The following ZCCHC24 variants were observed in gnomAD, a reference collection of about 807,000 sequenced individuals.
The protein encoded by ZCCHC24 is zinc finger CCHC domain-containing protein 24.
In ZCCHC24, 10 loss-of-function variants were observed where a neutral mutation model predicts 26.2. That is an observed-to-expected ratio of 0.38 (90% confidence interval 0.24 to 0.65). The LOEUF (loss-of-function observed/expected upper bound fraction) is 0.65, where lower values mean the gene tolerates loss of function less well. Ranked by LOEUF, ZCCHC24 falls within the 30% of genes least tolerant of loss-of-function variation. The probability of loss-of-function intolerance (pLI) is 0.54; values close to 1 mark genes in which losing one functional copy is unlikely to be tolerated. For missense variants in ZCCHC24, 243 were observed against 329.1 expected, an observed-to-expected ratio of 0.74 and a Z score of 2.03; for synonymous variants, 144 against 147.1, an observed-to-expected ratio of 0.98 and a Z score of 0.15.
At position 79,428,152 on chromosome 10, in the gene ZCCHC24, T is replaced by C. The variant is rs754592100; in HGVS notation, c.447+4406A>G. Among the ~76,000 whole-genome samples, 31 of 152,196 alleles carry C rather than the reference T, an allele frequency of 2.0e-4. 1 individual carries two copies. The highest frequency in any genetic ancestry group is 1.8e-4 in the Non-Finnish European group (12 of 68,044). ...ATTGATGGGTGAACTGATTTAAAAA[T>C]GTGGTATATACATACAATGGAATAT... is the stretch of plus-strand genomic sequence containing the variant. On this transcript the variant is annotated intron_variant, in intron 2 of 3. Transcript: ENST00000372336.
chr10:79,388,734 T>C (rs992166942), intron 3 of ZCCHC24, among the ~76,000 whole-genome samples: 1 of 152,186 alleles, frequency 6.6e-6, no homozygotes, highest in Non-Finnish European at 1.5e-5. Flanking sequence ...TTACACATTA[T>C]GTGGCAAAGT....
Position 79,424,818 on chromosome 10 carries a change from G to A in ZCCHC24, c.447+7740C>T, listed in dbSNP as rs73301237. Among the ~76,000 whole-genome samples, 1,415 of 152,262 alleles carry A rather than the reference G, an allele frequency of 9.3e-3. 26 individuals are homozygous for A. Among genetic ancestry groups the A allele is most frequent in the African/African-American group, 0.033 (1,356 of 41,528 alleles). On this transcript the variant is annotated intron_variant, in intron 2 of 3. Coordinates refer to ENST00000372336, the MANE Select transcript of ZCCHC24 (RefSeq NM_153367.4). ...CACAGTGCCCGGAAAGCATATTCCTGTTATTTACACGCTTGCTTGGAAGCC... is the reference window on the plus strand; with the variant it reads ...CACAGTGCCCGGAAAGCATATTCCTATTATTTACACGCTTGCTTGGAAGCC...
intron 2 of ZCCHC24, among the ~76,000 whole-genome samples, chr10:79,413,077 C>T (rs1262867067): frequency 1.3e-5 from 2 of 152,230 alleles, no homozygotes; most frequent in African/African-American, 2.4e-5. Context: ...TGGAAGTCTA[C>T]CCAGACACCT....
chr10:79,431,732 T>C (rs1885433), intron 2 of ZCCHC24, among the ~76,000 whole-genome samples: 23,913 of 152,136 alleles, frequency 0.16, 1,972 homozygotes, highest in Middle Eastern at 0.19. Flanking sequence ...GTTTCCAGGA[T>C]TCCATTTCCA....
At chr10:79,427,768 C>T (rs1042447468) in intron 2 of ZCCHC24, among the ~76,000 whole-genome samples, 16 of 152,098 alleles carry the variant, frequency 1.1e-4, no homozygotes, top group African/African-American at 3.9e-4. Context: ...AATCCCAGCA[C>T]TTTTGGAGGC....
intron 2 of ZCCHC24, among the ~76,000 whole-genome samples, chr10:79,430,682 CACACCA>C (rs1161959410): frequency 4.9e-5 from 5 of 102,586 alleles, no homozygotes; most frequent in Non-Finnish European, 7.7e-5. Flanking sequence ...CTCACACACA[CACACCA>C]CACACACACA....
chr10:79,444,366 A>G, intron 1 of ZCCHC24: 1 of 1,142,796 alleles, frequency 8.8e-7, no homozygotes. Context: ...TTGCTGGCAA[A>G]GAGGCGCTGC....
chr10:79,406,579 A>G (rs1856717141), intron 2 of ZCCHC24, among the ~76,000 whole-genome samples: 2 of 152,138 alleles, frequency 1.3e-5, no homozygotes, highest in Non-Finnish European at 2.9e-5. Context: ...CCAAATGGTC[A>G]CTTCCCCTGC....
At chr10:79,430,686 CCACACACACA>C (rs71030975) in intron 2 of ZCCHC24, among the ~76,000 whole-genome samples, 2 of 140,620 alleles carry the variant, frequency 1.4e-5, no homozygotes, top group East Asian at 2.1e-4. Flanking sequence ...CACACACACA[CCACACACACA>C]CACACACACA....
chr10:79,402,583 G>C (rs1034700021), intron 2 of ZCCHC24, among the ~76,000 whole-genome samples: 1 of 152,206 alleles, frequency 6.6e-6, no homozygotes, highest in Non-Finnish European at 1.5e-5. Flanking sequence ...CCAGAGCCTT[G>C]GTTTTTCTAT....
intron 2 of ZCCHC24, among the ~76,000 whole-genome samples, chr10:79,405,822 A>C (rs1423570346): frequency 5.3e-5 from 8 of 152,240 alleles, no homozygotes; most frequent in Non-Finnish European, 1.0e-4. Context: ...CAGAAAAGAA[A>C]TCTGATCTGC....
intron 2 of ZCCHC24, among the ~76,000 whole-genome samples, chr10:79,396,463 C>T (rs529371364): frequency 8.5e-5 from 13 of 152,312 alleles, no homozygotes; most frequent in Non-Finnish European, 1.5e-4. Context: ...CTTGCATGCA[C>T]GTGCTTCCTC....
intron 1 of ZCCHC24, 59 bp downstream of exon 1, chr10:79,445,136 C>G (rs1857345935): frequency 5.1e-5 from 26 of 505,844 alleles, no homozygotes; most frequent in Non-Finnish European, 6.3e-5. Context: ...GGGAACGGCC[C>G]GCCACGGTGG....
rs138802101 is a variant in ZCCHC24 at position 79,434,739 on chromosome 10, T to C, written c.247-1981A>G. Among the ~76,000 whole-genome samples the C allele has an allele frequency of 3.3e-3, 501 of 152,320 alleles. 2 individuals are homozygous for C. The highest frequency in any genetic ancestry group is 8.8e-3 in the African/African-American group (365 of 41,580). ...GTATTTTTAGGTGTGCGGCAAAATA[T>C]ACACAACAAAATTGACCATTTCAAT... On this transcript the variant is annotated intron_variant, in intron 1 of 3. Coordinates refer to ENST00000372336, the MANE Select transcript of ZCCHC24 (RefSeq NM_153367.4).
chr10:79,420,571 G>A (rs1277547668), intron 2 of ZCCHC24, among the ~76,000 whole-genome samples: 1 of 152,192 alleles, frequency 6.6e-6, no homozygotes, highest in Non-Finnish European at 1.5e-5. Context: ...TTGAGGCCAG[G>A]AGTTTGAGAC....
intron 2 of ZCCHC24, among the ~76,000 whole-genome samples, chr10:79,430,686 C>CACACACACACACA (rs370025190): frequency 0.01 from 1,456 of 140,650 alleles, 15 homozygotes; most frequent in African/African-American, 0.027. Context: ...CACACACACA[C>CACACACACACACA]CACACACACA....
At position 79,384,934 on chromosome 10, in the gene ZCCHC24, A is replaced by G. The variant is rs1255966379; in HGVS notation, c.*1411T>C. 2 of 152,294 alleles carry G rather than the reference A, an allele frequency of 1.3e-5. No homozygotes were observed. The highest frequency in any genetic ancestry group is 2.9e-5 in the Non-Finnish European group (2 of 68,064). The allele number at this position is 152,294 out of a possible 1,614,324, so 9.4% of individuals were successfully genotyped here. On this transcript the variant is annotated 3_prime_UTR_variant, in exon 4 of 4. Coordinates refer to ENST00000372336, the MANE Select transcript of ZCCHC24 (RefSeq NM_153367.4). ...AAACGGGGCTTCTCATCCGGGAGAC[A>G]GAGGAGCGCACGATCCCGCCGCCAG...
At position 79,386,438 on chromosome 10, in the gene ZCCHC24, G is replaced by C. The variant is rs200949698; in HGVS notation, c.633C>G (p.Asp211Glu). ...TGCTCTGGTCGGACACGTCCAGGCC[G>C]TCGGGCTTCTCCAGGGGTCTCTGCA... ...PHKQRPLEKP[D>E]GLDVSDQSKE... The change falls in exon 4 of 4, where the codon GAC (aspartate) becomes GAG (glutamate). Residue 211 changes from aspartate to glutamate, a missense_variant. By Grantham distance (45) the Asp-to-Glu change is conservative. Around this residue, in one of 2 missense-constraint regions of ZCCHC24, gnomAD observed 96 missense variants for 178.3 expected, o/e 0.54. Transcript: ENST00000372336. 33 of 1,602,206 alleles carry C rather than the reference G, an allele frequency of 2.1e-5. No individual in the cohort carries two copies. Among genetic ancestry groups the C allele is most frequent in the Non-Finnish European group, 2.7e-5 (32 of 1,170,868 alleles).
intron 2 of ZCCHC24, among the ~76,000 whole-genome samples, chr10:79,402,261 G>A (rs1033267131): frequency 3.9e-5 from 6 of 152,176 alleles, no homozygotes; most frequent in Admixed American, 3.3e-4. Context: ...TTAGATACTT[G>A]GTTTTTCTTT....
Sources: allele counts gnomAD v4.1 joint callset (sites outside exome capture counted in the v4.1 genomes callset), GRCh38; gene constraint gnomAD v4.1.1; regional missense constraint gnomAD v4.1.1; transcripts MANE v1.5; gene names NCBI Gene and HGNC (gene_info 2026-07-23, HGNC 2026-07-21).